Variants in MYO7B observed in about 807,000 individuals in gnomAD.
MYO7B encodes the protein unconventional myosin-VIIb.
Under a neutral mutation model 259.7 loss-of-function variants are expected in MYO7B, and 212 were observed. The observed-to-expected ratio is 0.82, with a 90% CI of 0.73 to 0.91. MYO7B has a LOEUF of 0.91. Ranked by LOEUF, MYO7B falls within the 40% of genes least tolerant of loss-of-function variation. MYO7B has a pLI of 0.00. For missense variants in MYO7B, 2,732 were observed against 2,813.5 expected (o/e 0.97, Z 0.66); for synonymous variants, 1,197 against 1,166.4 (o/e 1.03, Z -0.54).
chr2:127,600,539 G>A (rs987488034), intron 19 of MYO7B, among the ~76,000 whole-genome samples: 7 of 152,078 alleles, frequency 4.6e-5, no homozygotes, highest in Non-Finnish European at 8.8e-5. Flanking sequence ...GCGAAACCCC[G>A]TCTCTACTAA....
At chr2:127,542,237 C>G (rs111384943) in intron 1 of MYO7B, among the ~76,000 whole-genome samples, 1 of 152,186 alleles carries the variant, frequency 6.6e-6, no homozygotes, top group Non-Finnish European at 1.5e-5. Flanking sequence ...AGGGGCATAC[C>G]CTTCTTCATG....
Position 127,615,923 on chromosome 2 carries a change from G to A in MYO7B, c.3398+3320G>A, listed in dbSNP as rs1375228306. On this transcript the variant is annotated intron_variant, in intron 26 of 47. Coordinates refer to ENST00000409816, the MANE Select transcript of MYO7B (RefSeq NM_001393586.1). The surrounding 1 kb of genome is among the most constrained non-coding windows in gnomAD (Gnocchi z 4.4). ...GATCCACAGGTCCCTCCAGTCTCCC[G>A]TTGCATGGTCGCACACAACTTGAGG... 3.3e-5 allele frequency among the ~76,000 whole-genome samples: 5 copies of A among 152,166 alleles called. No homozygotes were observed. In the East Asian group the frequency reaches 7.7e-4, roughly 23 times the overall value.
intron 1 of MYO7B, among the ~76,000 whole-genome samples, chr2:127,547,557 T>C (rs1420206217): frequency 6.6e-6 from 1 of 152,232 alleles, no homozygotes; most frequent in Non-Finnish European, 1.5e-5. Context: ...CAGGCTATGA[T>C]GCTGAAGATC....
Position 127,628,905 on chromosome 2 carries a change from C to T in MYO7B, c.4624+370C>T, listed in dbSNP as rs1034349136. 2.0e-5 allele frequency among the ~76,000 whole-genome samples: 3 copies of T among 152,232 alleles called. No homozygotes were observed. Among genetic ancestry groups the T allele is most frequent in the Admixed American group, 6.5e-5 (1 of 15,290 alleles). Reference sequence around the variant, plus strand: ...ATTATCCCATTTTACAGACGTGAGGCCAGAGGCCCAGAGATGGAAGTAGCT... The same window carrying T: ...ATTATCCCATTTTACAGACGTGAGGTCAGAGGCCCAGAGATGGAAGTAGCT... On this transcript the variant is annotated intron_variant, in intron 34 of 47. Coordinates refer to ENST00000409816, the MANE Select transcript of MYO7B (RefSeq NM_001393586.1). This position sits in a 1 kb window ranked among gnomAD's most constrained non-coding sequence, Gnocchi z 4.8.
At position 127,615,447 on chromosome 2, in the gene MYO7B, T is replaced by C. The variant is rs1680535392; in HGVS notation, c.3398+2844T>C. Among the ~76,000 whole-genome samples the C allele has an allele frequency of 6.6e-6, 1 of 152,156 alleles. No homozygotes were observed. Among genetic ancestry groups the C allele is most frequent in the Admixed American group, 6.5e-5 (1 of 15,270 alleles). On this transcript the variant is annotated intron_variant, in intron 26 of 47. Transcript: ENST00000409816. This position sits in a 1 kb window ranked among gnomAD's most constrained non-coding sequence, Gnocchi z 4.4. ...GAAGAAAAGGGCTCCCTACTCCTAG[T>C]GAGCAAAGACAGCCCCCGCCCTGAG...
intron 1 of MYO7B, among the ~76,000 whole-genome samples, chr2:127,555,444 G>C (rs924465086): frequency 6.6e-6 from 1 of 151,982 alleles, no homozygotes; most frequent in Non-Finnish European, 1.5e-5. Context: ...TTTGGATTTG[G>C]TTTGTTCTTG....
chr2:127,620,294 C>T (rs903525215), intron 26 of MYO7B, 46 bp from the exon 27 acceptor site: 4 of 1,568,480 alleles, frequency 2.6e-6, no homozygotes, highest in African/African-American at 2.7e-5. Flanking sequence ...GTCTCCTCTC[C>T]TCCTCCAGCC....
Position 127,609,958 on chromosome 2 carries a change from A to G in MYO7B, c.3134A>G (p.His1045Arg), listed in dbSNP as rs1166184919. Residue 1045 changes from histidine (H) to arginine (R), a missense_variant, in exon 24 of 48, where the codon CAT (histidine) becomes CGT (arginine). By Grantham distance (29) the His-to-Arg change is conservative (BLOSUM62 0). Around this residue, in one of 3 missense-constraint regions of MYO7B, gnomAD observed 1,906 missense variants for 2,026.4 expected, o/e 0.94. Transcript: ENST00000409816. This position sits in a 1 kb window ranked among gnomAD's most constrained non-coding sequence, Gnocchi z 6.9. The stretch of plus-strand genomic sequence containing the variant: ...GGCAGCTCAGTGATGCGGCAGATCC[A>G]TGACACGCTGGGCAGGGAGCACGGT... ...QQGSSVMRQI[H>R]DTLGREHGAQ... The G allele has an allele frequency of 2.5e-6, 4 of 1,607,916 alleles. No homozygotes were observed. The highest frequency in any genetic ancestry group is 1.3e-5 in the African/African-American group (1 of 74,840).
rs1679534918 is a variant in MYO7B, at chr2:127,590,956, G to C, written c.1992+727G>C. On this transcript the variant is annotated intron_variant, in intron 16 of 47. Coordinates refer to ENST00000409816, the MANE Select transcript of MYO7B (RefSeq NM_001393586.1). The surrounding 1 kb of genome is among the most constrained non-coding windows in gnomAD (Gnocchi z 4.6). ...CGCTTGTAATCCCAGCACTTTGGGA[G>C]GCTGAGGCGGGAGGATTGCTTGAGG... 6.6e-6 allele frequency among the ~76,000 whole-genome samples: 1 copy of C among 152,238 alleles called. No homozygotes were observed. The highest frequency in any genetic ancestry group is 2.1e-4 in the South Asian group (1 of 4,836).
chr2:127,612,514 G>T lies in MYO7B; in HGVS notation c.3309G>T (p.Glu1103Asp). ...SQLNIGEEAL[E>D]PDGLGADRPM... ...TGAACATTGGAGAGGAGGCATTGGA[G>T]CCTGATGGCCTTGGTGCAGACCGGC... The change falls in exon 26 of 48, where the codon GAG becomes GAT. Residue 1103 changes from glutamate to aspartate, a missense_variant. This residue lies in a region of MYO7B where 1,906 missense variants were observed against 2,026.4 expected (regional missense o/e 0.94). Transcript: ENST00000409816. The T allele has an allele frequency of 6.4e-7, 1 of 1,567,840 alleles. No individual in the cohort carries two copies. Among genetic ancestry groups the T allele is most frequent in the Non-Finnish European group, 8.6e-7 (1 of 1,156,230 alleles).
intron 6 of MYO7B, among the ~76,000 whole-genome samples, chr2:127,572,292 G>C (rs549436449): frequency 2.0e-5 from 3 of 151,690 alleles, no homozygotes; most frequent in Admixed American, 2.0e-4. Context: ...GGTGGCATGC[G>C]CCTATAATCC....
In MYO7B at chr2:127,566,946, C is replaced by T. The variant is rs557201923; in HGVS notation, c.470+119C>T. ...CTACTCCATGGCACACACCCATCTC[C>T]ACAGCACACAACGGCCCCAGTTACC... On this transcript the variant is annotated intron_variant, in intron 5 of 47. Coordinates refer to ENST00000409816, the MANE Select transcript of MYO7B (RefSeq NM_001393586.1). 11 of 1,085,334 alleles carry T rather than the reference C, an allele frequency of 1.0e-5. No homozygotes were observed. The African/African-American group carries it at 1.4e-4, about 14-fold the overall frequency. 67.2% of individuals were successfully genotyped at this position (1,085,334 alleles called of 1,614,324 possible). A position where few individuals can be genotyped will look rare whatever the true frequency, so the allele number is the denominator to read the frequency against.
At chr2:127,599,555 A>G (rs981930464) in intron 19 of MYO7B, among the ~76,000 whole-genome samples, 1 of 152,068 alleles carries the variant, frequency 6.6e-6, no homozygotes, top group African/African-American at 2.4e-5. Flanking sequence ...AACATCCAGT[A>G]TTGTTAGAGT....
Position 127,629,731 on chromosome 2 carries a change from C to T in MYO7B, c.4711C>T (p.Leu1571Phe). The T allele has an allele frequency of 1.9e-6, 3 of 1,612,284 alleles. No homozygotes were observed. The highest frequency in any genetic ancestry group is 2.5e-6 in the Non-Finnish European group (3 of 1,179,444). The change falls in exon 35 of 48, where the codon CTC (leucine) becomes TTC (phenylalanine). Residue 1571 changes from leucine to phenylalanine, a missense_variant. Physicochemically the swap from Leu to Phe is conservative, Grantham distance 22. This residue lies in a region of MYO7B where 821 missense variants were observed against 769.3 expected (regional missense o/e 1.07). Transcript: ENST00000409816. Reference sequence around the variant, plus strand: ...GCTGCTGGCCTCTGAGAACTGGACCCTCGGCCAGAACGACAGGACAGGCAA... The same window carrying T: ...GCTGCTGGCCTCTGAGAACTGGACCTTCGGCCAGAACGACAGGACAGGCAA... ...QGLLASENWT[L>F]GQNDRTGKTG...
chr2:127,593,976 G>T (rs533158592), intron 18 of MYO7B, among the ~76,000 whole-genome samples: 1 of 152,222 alleles, frequency 6.6e-6, no homozygotes, highest in Non-Finnish European at 1.5e-5. Context: ...GCGGTCTGCC[G>T]GTGTCCTGAG....
At position 127,627,169 on chromosome 2, in the gene MYO7B, G is replaced by C; in HGVS notation, c.4334-15G>C. The C allele has an allele frequency of 6.2e-7, 1 of 1,604,780 alleles. No individual in the cohort carries two copies. On this transcript the variant is annotated splice_polypyrimidine_tract_variant and intron_variant, in intron 32 of 47. Coordinates refer to ENST00000409816, the MANE Select transcript of MYO7B (RefSeq NM_001393586.1). The surrounding 1 kb of genome is among the most constrained non-coding windows in gnomAD (Gnocchi z 5.6). ...GGTCCCATGCAGCCTTCACACTGCC[G>C]TCTCTCCTGGCCAGGCCCCCGCCTG...
rs1448954941 is a variant in MYO7B, at chr2:127,609,610, C to T, written c.2919C>T (p.Phe973=). The change falls in exon 23 of 48, where the codon TTC becomes TTT. Residue 973 remains phenylalanine, a synonymous_variant. Coordinates refer to ENST00000409816, the MANE Select transcript of MYO7B (RefSeq NM_001393586.1). This position sits in a 1 kb window ranked among gnomAD's most constrained non-coding sequence, Gnocchi z 6.9. ...TGGATGGCCTGGCCGAGTACACCTT[C>T]CCCAAGTTTGCTGTGACTTACTTCC... ...EDVDGLAEYT[F]PKFAVTYFQK... is the part of the protein sequence containing the mutation. The T allele has an allele frequency of 6.2e-7, 1 of 1,613,870 alleles. No homozygotes were observed. Among genetic ancestry groups the T allele is most frequent in the Non-Finnish European group, 8.5e-7 (1 of 1,179,902 alleles).
chr2:127,620,651 C>A (rs901807918), intron 27 of MYO7B, among the ~76,000 whole-genome samples, 185 bp downstream of exon 27: 3 of 152,232 alleles, frequency 2.0e-5, no homozygotes, highest in African/African-American at 7.2e-5. Context: ...GAAAAGAGGA[C>A]CCTGCTCCTG....
rs910416045 is a variant in MYO7B at position 127,577,199 on chromosome 2, C to T, written c.849+491C>T. 3.9e-5 allele frequency among the ~76,000 whole-genome samples: 6 copies of T among 152,288 alleles called. No homozygotes were observed. The highest frequency in any genetic ancestry group is 3.4e-3 in the Middle Eastern group (1 of 294). ...TGAGGCTCCCTGGCCCTCAGGAGAA[C>T]TGCGCCTCCTGGTTTATTGACCACA... On this transcript the variant is annotated intron_variant, in intron 8 of 47. Transcript: ENST00000409816. The surrounding 1 kb of genome is among the most constrained non-coding windows in gnomAD (Gnocchi z 5.2).
Sources: gnomAD v4.1 joint callset for allele counts (sites outside exome capture counted in the v4.1 genomes callset) on GRCh38, gnomAD v4.1.1 for gene constraint, gnomAD v4.1.1 regional missense constraint, Gnocchi (gnomAD v3.1) non-coding constraint, MANE v1.5 for transcripts, NCBI Gene and HGNC (gene_info 2026-07-23, HGNC 2026-07-21) for gene names.